Variants in PRKCA observed in about 807,000 individuals in gnomAD.
PRKCA encodes protein kinase C alpha type.
Under a neutral mutation model 87.0 loss-of-function variants are expected in PRKCA, and 27 were observed. The ratio of observed to expected loss-of-function variants is 0.31; its 90% CI spans 0.23 to 0.43. PRKCA has a LOEUF of 0.43. Ranked by LOEUF, PRKCA falls within the 20% of genes least tolerant of loss-of-function variation. The pLI is 1.00. For missense variants in PRKCA, 518 were observed against 852.3 expected, an observed-to-expected ratio of 0.61 and a Z score of 4.88; for synonymous variants, 329 against 311.1, an observed-to-expected ratio of 1.06 and a Z score of -0.61.
chr17:66,719,101 A>G (rs1019570066), intron 8 of PRKCA, among the ~76,000 whole-genome samples: 1 of 152,178 alleles, frequency 6.6e-6, no homozygotes, highest in Admixed American at 6.5e-5. Context: ...TTCATCCAGG[A>G]ATCTATCCTG....
chr17:66,681,145 C>T (rs553086474), intron 5 of PRKCA, among the ~76,000 whole-genome samples: 1 of 152,288 alleles, frequency 6.6e-6, no homozygotes, highest in Admixed American at 6.5e-5. Flanking sequence ...AGGAGACTCA[C>T]TTGAACCCGG....
At chr17:66,697,504 C>G (rs1220133416) in intron 8 of PRKCA, among the ~76,000 whole-genome samples, 1 of 152,194 alleles carries the variant, frequency 6.6e-6, no homozygotes, top group African/African-American at 2.4e-5. Flanking sequence ...AGCAGCACTG[C>G]TCAGAGCCAA....
intron 2 of PRKCA, among the ~76,000 whole-genome samples, chr17:66,487,447 A>G (rs936317929): frequency 6.6e-6 from 1 of 152,052 alleles, no homozygotes; most frequent in East Asian, 1.9e-4. Flanking sequence ...TTGATTCTGT[A>G]TCTTGGTTAT....
At chr17:66,344,740 C>A (rs536120316) in intron 2 of PRKCA, among the ~76,000 whole-genome samples, 29 of 152,256 alleles carry the variant, frequency 1.9e-4, no homozygotes, top group Non-Finnish European at 3.2e-4. Context: ...ACAAGTCCTG[C>A]TGGTTGGCAG....
chr17:66,565,695 T>C (rs1968869743), intron 3 of PRKCA, among the ~76,000 whole-genome samples: 1 of 151,978 alleles, frequency 6.6e-6, no homozygotes, highest in South Asian at 2.1e-4. Flanking sequence ...CTGAGAGATA[T>C]GTACTAATGA....
chr17:66,482,759 T>C (rs1915841804), intron 2 of PRKCA, among the ~76,000 whole-genome samples: 1 of 152,232 alleles, frequency 6.6e-6, no homozygotes, highest in Non-Finnish European at 1.5e-5. Context: ...GACTTTGGAT[T>C]AAAGTAATAT....
chr17:66,765,048 C>T (rs762778099), intron 13 of PRKCA, among the ~76,000 whole-genome samples: 1 of 152,024 alleles, frequency 6.6e-6, no homozygotes, highest in African/African-American at 2.4e-5. Flanking sequence ...AAATACAAGC[C>T]GAAACTGCGT....
chr17:66,465,480 C>T (rs1020983091), intron 2 of PRKCA, among the ~76,000 whole-genome samples: 5 of 152,076 alleles, frequency 3.3e-5, no homozygotes, highest in Admixed American at 6.6e-5. Flanking sequence ...CAGCCTCAAA[C>T]TCCTGGGCTC....
intron 2 of PRKCA, among the ~76,000 whole-genome samples, chr17:66,484,074 C>T (rs1177567600): frequency 3.3e-5 from 5 of 152,086 alleles, no homozygotes; most frequent in Admixed American, 2.6e-4. Flanking sequence ...AAAGTCTCGC[C>T]TTACATGGTG....
intron 2 of PRKCA, among the ~76,000 whole-genome samples, chr17:66,475,568 G>A (rs1194048225): frequency 6.6e-6 from 1 of 152,154 alleles, no homozygotes; most frequent in African/African-American, 2.4e-5. Context: ...TTTCCCATTT[G>A]AGACATTTGC....
At chr17:66,796,592 G>A (rs549669095) in intron 16 of PRKCA, 48 of 985,264 alleles carry the variant, frequency 4.9e-5, no homozygotes, top group Non-Finnish European at 5.4e-5. Flanking sequence ...GGTCATGCAC[G>A]TAGCCCGTTC....
chr17:66,552,477 C>T (rs951475051), intron 3 of PRKCA, among the ~76,000 whole-genome samples: 2 of 152,160 alleles, frequency 1.3e-5, no homozygotes, highest in Admixed American at 6.5e-5. Context: ...ATCTGAGGCT[C>T]GACTGGGGAA....
At chr17:66,440,463 T>C (rs1394849984) in intron 2 of PRKCA, among the ~76,000 whole-genome samples, 2 of 152,216 alleles carry the variant, frequency 1.3e-5, no homozygotes, top group Non-Finnish European at 2.9e-5. Flanking sequence ...AGTCCTAAGA[T>C]AGACTTTGCT....
intron 5 of PRKCA, among the ~76,000 whole-genome samples, chr17:66,660,625 C>CA (rs1403876259): frequency 6.6e-6 from 1 of 152,142 alleles, no homozygotes; most frequent in Non-Finnish European, 1.5e-5. Flanking sequence ...CGCGATGGCT[C>CA]ACGCCTGTAA....
intron 2 of PRKCA, among the ~76,000 whole-genome samples, chr17:66,346,321 T>A (rs1598606447): frequency 6.6e-6 from 1 of 151,870 alleles, no homozygotes; most frequent in African/African-American, 2.4e-5. Context: ...ATGGTCTCGA[T>A]CTCCTGACCT....
At chr17:66,471,809 GT>G (rs1253584413) in intron 2 of PRKCA, among the ~76,000 whole-genome samples, 1 of 152,126 alleles carries the variant, frequency 6.6e-6, no homozygotes, top group Admixed American at 6.5e-5. Context: ...TTCATGACAA[GT>G]TGCAGTGAAG....
intron 3 of PRKCA, among the ~76,000 whole-genome samples, chr17:66,612,227 A>G (rs1030702904): frequency 2.0e-5 from 3 of 151,966 alleles, no homozygotes; most frequent in African/African-American, 7.3e-5. Context: ...CTAAAAATAC[A>G]AAAATTAGCT....
At chr17:66,650,755 A>T (rs1971572132) in intron 5 of PRKCA, among the ~76,000 whole-genome samples, 3 of 152,072 alleles carry the variant, frequency 2.0e-5, no homozygotes, top group Non-Finnish European at 4.4e-5. Flanking sequence ...CCCTCATCTT[A>T]TTGTAATTAA....
intron 8 of PRKCA, among the ~76,000 whole-genome samples, chr17:66,701,364 G>A (rs7213002): frequency 0.036 from 5,548 of 152,122 alleles, 330 homozygotes; most frequent in African/African-American, 0.13. Flanking sequence ...ACATACTTGG[G>A]GGGAAAGCTT....
Sources: gnomAD v4.1 joint callset for allele counts (sites outside exome capture counted in the v4.1 genomes callset) on GRCh38, gnomAD v4.1.1 for gene constraint, MANE v1.5 for transcripts, NCBI Gene and HGNC (gene_info 2026-07-23, HGNC 2026-07-21) for gene names.